The following ARL15 variants were observed in gnomAD, a reference collection of about 807,000 sequenced individuals.
ARL15 encodes the protein ARF like GTPase 15.
A neutral mutation model predicts 25.2 loss-of-function variants in ARL15; 19 were observed. The ratio of observed to expected loss-of-function variants is 0.75; its 90% confidence interval spans 0.53 to 1.10. ARL15 has a LOEUF of 1.10. Among genes scored for constraint, ARL15 ranks in the 50% least tolerant of loss-of-function variants. The pLI, the probability that ARL15 is intolerant of heterozygous loss-of-function variation, is 0.00. For synonymous variants in ARL15, 94 were observed against 86.8 expected (o/e 1.08, Z -0.46); for missense variants, 220 against 246.0 (o/e 0.89, Z 0.71).
intron 4 of ARL15, among the ~76,000 whole-genome samples, chr5:54,090,838 T>G (rs985182249): frequency 1.3e-5 from 2 of 152,114 alleles, no homozygotes; most frequent in Non-Finnish European, 2.9e-5. Flanking sequence ...TAGCAAGAAA[T>G]ATGCACAACA....
At chr5:54,029,809 C>G (rs919922715) in intron 4 of ARL15, among the ~76,000 whole-genome samples, 1 of 152,024 alleles carries the variant, frequency 6.6e-6, no homozygotes, top group African/African-American at 2.4e-5. Context: ...CTGACTAACA[C>G]GGTGAAACTC....
At chr5:54,052,854 T>C (rs1177836119) in intron 4 of ARL15, among the ~76,000 whole-genome samples, 1 of 152,100 alleles carries the variant, frequency 6.6e-6, no homozygotes, top group Non-Finnish European at 1.5e-5. Context: ...TCTGATTCCA[T>C]TTTCCAATGA....
At chr5:54,251,910 T>C (rs1757243888) in intron 1 of ARL15, among the ~76,000 whole-genome samples, 2 of 152,254 alleles carry the variant, frequency 1.3e-5, no homozygotes, top group East Asian at 3.8e-4. Flanking sequence ...ACCTAGATAT[T>C]GGCCTTTTGC....
intron 1 of ARL15, among the ~76,000 whole-genome samples, chr5:54,249,243 A>G (rs1757175020): frequency 6.6e-6 from 1 of 152,192 alleles, no homozygotes; most frequent in African/African-American, 2.4e-5. Context: ...AGTTGAGCTG[A>G]GGTAGTAGAG....
chr5:53,930,059 G>A (rs1746152505), intron 4 of ARL15, among the ~76,000 whole-genome samples: 1 of 152,018 alleles, frequency 6.6e-6, no homozygotes, highest in Admixed American at 6.6e-5. Context: ...TAAATACCTG[G>A]AGAGCCTCAC....
chr5:54,082,102 A>C (rs1751816500), intron 4 of ARL15, among the ~76,000 whole-genome samples: 1 of 98,460 alleles, frequency 1.0e-5, no homozygotes, highest in Admixed American at 1.1e-4. Context: ...GAAGGAAAGA[A>C]GGAAAGGAGG....
chr5:54,030,606 AAAGGT>A, intron 4 of ARL15, among the ~76,000 whole-genome samples: 1 of 152,340 alleles, frequency 6.6e-6, no homozygotes, highest in African/African-American at 2.4e-5. Flanking sequence ...CAGCTAATTC[AAAGGT>A]CCCGAGGCAG....
intron 3 of ARL15, among the ~76,000 whole-genome samples, chr5:54,116,395 T>G (rs1752900134): frequency 6.6e-6 from 1 of 151,910 alleles, no homozygotes; most frequent in African/African-American, 2.4e-5. Context: ...GAACCATCCA[T>G]AAGCTGGAGG....
intron 4 of ARL15, among the ~76,000 whole-genome samples, chr5:54,044,240 AT>A (rs1196537602): frequency 0.056 from 7,167 of 128,682 alleles, 142 homozygotes; most frequent in Non-Finnish European, 0.072. Flanking sequence ...CCATTATTTA[AT>A]TTTTTTTTTT....
chr5:54,268,910 T>A (rs2112639527), intron 1 of ARL15, among the ~76,000 whole-genome samples: 1 of 152,338 alleles, frequency 6.6e-6, no homozygotes, highest in African/African-American at 2.4e-5. Flanking sequence ...GATGAGTTCA[T>A]GTCCTTTCTA....
chr5:53,977,326 G>A (rs188578758), intron 4 of ARL15, among the ~76,000 whole-genome samples: 4,433 of 139,292 alleles, frequency 0.032, 85 homozygotes, highest in Non-Finnish European at 0.049. Flanking sequence ...CTGCACTCCA[G>A]CCTGAGCAAC....
chr5:54,224,056 G>A (rs1345871991), intron 1 of ARL15, among the ~76,000 whole-genome samples: 1 of 152,176 alleles, frequency 6.6e-6, no homozygotes, highest in Non-Finnish European at 1.5e-5. Flanking sequence ...AGGATGTTGT[G>A]TGCTTGTGGC....
intron 1 of ARL15, chr5:54,285,316 A>G: frequency 1.2e-6 from 1 of 849,480 alleles, no homozygotes; most frequent in Non-Finnish European, 1.4e-6. Context: ...AGAATACTAA[A>G]TTTGAAATTA....
chr5:53,886,762 C>A lies in ARL15; in HGVS notation c.463-49G>T, dbSNP rs751288091. ...AATAGGTTATTAATTATATCAGAAACTTTCTCATATCAAAATTCTGAGGGA... is the reference window on the plus strand; with the variant it reads ...AATAGGTTATTAATTATATCAGAAAATTTCTCATATCAAAATTCTGAGGGA... On this transcript the variant is annotated intron_variant, in intron 4 of 4. Coordinates refer to ENST00000504924, the MANE Select transcript of ARL15 (RefSeq NM_019087.3). 4 of 1,471,316 alleles carry A rather than the reference C, an allele frequency of 2.7e-6. No individual in the cohort carries two copies. In the South Asian group the frequency reaches 3.9e-5, roughly 15 times the overall value. The allele number at this position is 1,471,316 out of a possible 1,614,324, so 91.1% of individuals were successfully genotyped here.
At chr5:54,142,688 G>A (rs1207661863) in intron 3 of ARL15, among the ~76,000 whole-genome samples, 1 of 152,090 alleles carries the variant, frequency 6.6e-6, no homozygotes, top group Non-Finnish European at 1.5e-5. Flanking sequence ...CGTGTTCCAT[G>A]CTCTTATGTT....
At chr5:54,087,084 C>T (rs948913547) in intron 4 of ARL15, among the ~76,000 whole-genome samples, 11 of 152,080 alleles carry the variant, frequency 7.2e-5, no homozygotes, top group Non-Finnish European at 1.6e-4. Context: ...CGCCTGTAAT[C>T]GCAGCACTTT....
intron 4 of ARL15, among the ~76,000 whole-genome samples, chr5:53,926,442 A>T (rs1211046342): frequency 6.6e-6 from 1 of 152,130 alleles, no homozygotes; most frequent in Non-Finnish European, 1.5e-5. Flanking sequence ...CACTTCATCC[A>T]AAGCACAGAC....
chr5:53,968,263 T>G (rs759400641), intron 4 of ARL15, among the ~76,000 whole-genome samples: 2 of 152,226 alleles, frequency 1.3e-5, no homozygotes, highest in African/African-American at 4.8e-5. Context: ...TTCAACAAGA[T>G]AGCAAAACCT....
At chr5:54,126,401 T>C (rs1369703708) in intron 3 of ARL15, among the ~76,000 whole-genome samples, 1 of 152,220 alleles carries the variant, frequency 6.6e-6, no homozygotes, top group Non-Finnish European at 1.5e-5. Context: ...GCAGCCAAGA[T>C]TGAAACTATG....
Sources: gnomAD v4.1 joint callset for allele counts (sites outside exome capture counted in the v4.1 genomes callset) on GRCh38, gnomAD v4.1.1 for gene constraint, MANE v1.5 for transcripts, NCBI Gene and HGNC (gene_info 2026-07-23, HGNC 2026-07-21) for gene names.